Variants in RYR2 observed in about 807,000 individuals in gnomAD.
RYR2 encodes the protein ryanodine receptor 2.
Under a neutral mutation model 601.1 loss-of-function variants are expected in RYR2, and 227 were observed. The observed-to-expected ratio is 0.38, with a 90% CI of 0.34 to 0.42. The LOEUF is 0.42. RYR2 is among the 10% of genes least tolerant of loss of function. The pLI is 1.00. For missense variants in RYR2, 4,646 were observed against 6,156.5 expected, an observed-to-expected ratio of 0.75 and a Z score of 8.21; for synonymous variants, 2,223 against 2,175.1, an observed-to-expected ratio of 1.02 and a Z score of -0.61.
At chr1:237,693,621 C>T (rs1687139849) in intron 63 of RYR2, among the ~76,000 whole-genome samples, 2 of 152,244 alleles carry the variant, frequency 1.3e-5, no homozygotes, top group African/African-American at 2.4e-5. Context: ...ATATTAGCTA[C>T]AGGAGTATTA....
intron 10 of RYR2, among the ~76,000 whole-genome samples, chr1:237,409,222 A>C (rs1408662673): frequency 6.6e-6 from 1 of 152,102 alleles, no homozygotes; most frequent in Non-Finnish European, 1.5e-5. Flanking sequence ...TGGTGAAGAG[A>C]ACATTCTTGA....
intron 1 of RYR2, among the ~76,000 whole-genome samples, chr1:237,094,637 C>T (rs1213734028): frequency 6.6e-6 from 1 of 152,086 alleles, no homozygotes; most frequent in Non-Finnish European, 1.5e-5. Flanking sequence ...TACAGTGGTG[C>T]GATCTCGGCC....
intron 8 of RYR2, among the ~76,000 whole-genome samples, chr1:237,379,101 A>G (rs1334070774): frequency 1.3e-5 from 2 of 152,240 alleles, no homozygotes; most frequent in African/African-American, 4.8e-5. Flanking sequence ...TCAGATATGC[A>G]TTTTGAATTG....
chr1:237,832,677 A>C lies in RYR2; in HGVS notation c.*30A>C. 3 of 1,323,718 alleles carry C rather than the reference A, an allele frequency of 2.3e-6. No individual in the cohort carries two copies. The highest frequency in any genetic ancestry group is 3.3e-6 in the Non-Finnish European group (3 of 921,894). 82.0% of individuals were successfully genotyped at this position (1,323,718 alleles called of 1,614,324 possible). On this transcript the variant is annotated 3_prime_UTR_variant, in exon 105 of 105. Coordinates refer to ENST00000366574, the MANE Select transcript of RYR2 (RefSeq NM_001035.3). Reference sequence around the variant, plus strand: ...AGACCCAATCACCTCTAAAAACCAAAACCCTACCCCTCTCTCTCCCTCTCT... The same window carrying C: ...AGACCCAATCACCTCTAAAAACCAACACCCTACCCCTCTCTCTCCCTCTCT...
chr1:237,546,085 T>G (rs999879016), intron 25 of RYR2, among the ~76,000 whole-genome samples: 24 of 151,890 alleles, frequency 1.6e-4, no homozygotes, highest in African/African-American at 5.8e-4. Flanking sequence ...TTTGCCTATT[T>G]AAATGTCAGA....
At chr1:237,484,442 A>G (rs947912948) in intron 17 of RYR2, among the ~76,000 whole-genome samples, 2 of 152,172 alleles carry the variant, frequency 1.3e-5, no homozygotes, top group Non-Finnish European at 2.9e-5. Flanking sequence ...CACCAGCGTC[A>G]TGGCTTGCTT....
chr1:237,238,912 G>A (rs191905751), intron 1 of RYR2, among the ~76,000 whole-genome samples: 58 of 150,632 alleles, frequency 3.9e-4, no homozygotes, highest in Non-Finnish European at 6.3e-4. Flanking sequence ...ATGAGTTAGG[G>A]GCATCCAGGT....
At chr1:237,094,033 G>A (rs543558760) in intron 1 of RYR2, among the ~76,000 whole-genome samples, 13 of 152,304 alleles carry the variant, frequency 8.5e-5, no homozygotes, top group Admixed American at 3.3e-4. Flanking sequence ...GAGCAGGCCC[G>A]GAGCCTCTGT....
At position 237,367,852 on chromosome 1, in the gene RYR2, T is replaced by A. The variant is rs545219979; in HGVS notation, c.310-1682T>A. The stretch of plus-strand genomic sequence containing the variant: ...ACTCAGCCTGAAGTGAGCTTCCCCA[T>A]ATCCAGTTTTTCATTTGACAGTTGT... On this transcript the variant is annotated intron_variant, in intron 5 of 104. Transcript: ENST00000366574. 3.3e-5 allele frequency among the ~76,000 whole-genome samples: 5 copies of A among 152,338 alleles called. No homozygotes were observed. The South Asian group carries it at 1.0e-3, about 32-fold the overall frequency.
chr1:237,442,185 T>C (rs1439993343), intron 13 of RYR2, among the ~76,000 whole-genome samples: 1 of 152,240 alleles, frequency 6.6e-6, no homozygotes, highest in Non-Finnish European at 1.5e-5. Flanking sequence ...ATTCTCAAGG[T>C]GAACACCTAA....
intron 65 of RYR2, among the ~76,000 whole-genome samples, chr1:237,701,011 CTA>C (rs1687921968): frequency 6.6e-6 from 1 of 152,174 alleles, no homozygotes; most frequent in African/African-American, 2.4e-5. Context: ...GTTAATAAAA[CTA>C]TACACAGAAT....
chr1:237,270,384 A>G (rs1002253097), intron 1 of RYR2, 113 bp from the exon 2 acceptor site: 10 of 1,426,924 alleles, frequency 7.0e-6, no homozygotes, highest in Non-Finnish European at 9.6e-6. Context: ...TAGTTTTTAC[A>G]TTCGGCACAG....
At chr1:237,687,691 ACT>A (rs1223151467) in intron 63 of RYR2, among the ~76,000 whole-genome samples, 187 bp downstream of exon 63, 4 of 151,514 alleles carry the variant, frequency 2.6e-5, no homozygotes, top group African/African-American at 9.7e-5. Context: ...GAAATTGAGG[ACT>A]CTATCTTTTT....
At chr1:237,647,167 C>A (rs1285423455) in intron 48 of RYR2, among the ~76,000 whole-genome samples, 1 of 152,084 alleles carries the variant, frequency 6.6e-6, no homozygotes, top group Non-Finnish European at 1.5e-5. Flanking sequence ...TGATTTGACA[C>A]TAAGGTTAAG....
chr1:237,827,840 A>G lies in RYR2; in HGVS notation c.14591-541A>G, dbSNP rs557015600. 5.2e-3 allele frequency among the ~76,000 whole-genome samples: 761 copies of G among 145,780 alleles called. 1 individual carries two copies. The highest frequency in any genetic ancestry group is 8.1e-3 in the Admixed American group (116 of 14,302). On this transcript the variant is annotated intron_variant, in intron 101 of 104. Coordinates refer to ENST00000366574, the MANE Select transcript of RYR2 (RefSeq NM_001035.3). ...TAGTCCCAGCTGCTGGGGAGGCTGA[A>G]GCAGGAGAATGGCATGAACCCGGGA...
At position 237,784,053 on chromosome 1, in the gene RYR2, G is replaced by A. The variant is rs1558405151; in HGVS notation, c.12341G>A (p.Arg4114Gln). The change falls in exon 90 of 105, where the codon CGA becomes CAA. Residue 4114 changes from arginine to glutamine, a missense_variant. Around this residue, in one of 17 missense-constraint regions of RYR2, gnomAD observed 70 missense variants for 164.6 expected, o/e 0.43. Coordinates refer to ENST00000366574, the MANE Select transcript of RYR2 (RefSeq NM_001035.3). The surrounding 1 kb of genome is among the most constrained non-coding windows in gnomAD (Gnocchi z 7.1). ...NLSEHMPNDTRLQTFLELAES... is the reference protein window; with the variant it reads ...NLSEHMPNDTQLQTFLELAES... ...TCTGAGCACATGCCCAACGATACCCGACTTCAGACTTTTCTGGAATTAGCA... is the reference window on the plus strand; with the variant it reads ...TCTGAGCACATGCCCAACGATACCCAACTTCAGACTTTTCTGGAATTAGCA... 1.2e-6 allele frequency: 2 copies of A among 1,613,960 alleles called. No individual in the cohort carries two copies. The highest frequency in any genetic ancestry group is 1.7e-6 in the Non-Finnish European group (2 of 1,179,882).
chr1:237,273,003 C>T (rs1207961983), intron 2 of RYR2, among the ~76,000 whole-genome samples: 1 of 152,028 alleles, frequency 6.6e-6, no homozygotes, highest in Non-Finnish European at 1.5e-5. Flanking sequence ...GACGATTTTC[C>T]CATGAACCGG....
intron 2 of RYR2, among the ~76,000 whole-genome samples, chr1:237,321,635 G>A (rs560076125): frequency 1.8e-4 from 28 of 152,182 alleles, no homozygotes; most frequent in African/African-American, 6.7e-4. Flanking sequence ...GAGGTGGGAG[G>A]GAACCTCAAA....
Position 237,732,050 on chromosome 1 carries a change from C to G in RYR2, c.10940C>G (p.Pro3647Arg), listed in dbSNP as rs776678165. The change falls in exon 78 of 105, where the codon CCT becomes CGT. Residue 3647 changes from proline to arginine, a missense_variant. Pro to Arg is a moderately radical substitution (Grantham distance 103). This residue lies in a region of RYR2 where 1,497 missense variants were observed against 1,842.6 expected (regional missense o/e 0.81). Coordinates refer to ENST00000366574, the MANE Select transcript of RYR2 (RefSeq NM_001035.3). ...EDKLIEDLAK[P>R]GAEPPEEDEG... Reference sequence around the variant, plus strand: ...ATAAATTTGACTTTTTTGCAGAAACCTGGGGCTGAACCTCCAGAAGAAGAT... The same window carrying G: ...ATAAATTTGACTTTTTTGCAGAAACGTGGGGCTGAACCTCCAGAAGAAGAT... 2 of 1,595,926 alleles carry G rather than the reference C, an allele frequency of 1.3e-6. No homozygotes were observed. The highest frequency in any genetic ancestry group is 1.7e-6 in the Non-Finnish European group (2 of 1,170,642).
Sources: gnomAD v4.1 joint callset for allele counts (sites outside exome capture counted in the v4.1 genomes callset) on GRCh38, gnomAD v4.1.1 for gene constraint, gnomAD v4.1.1 regional missense constraint, Gnocchi (gnomAD v3.1) non-coding constraint, MANE v1.5 for transcripts, NCBI Gene and HGNC (gene_info 2026-07-23, HGNC 2026-07-21) for gene names.